ECE1: variants seen among roughly 807,000 people sequenced by gnomAD.
ECE1 encodes endothelin-converting enzyme 1.
In ECE1, 35 loss-of-function variants were observed where a neutral mutation model predicts 98.6. The ratio of observed to expected loss-of-function variants is 0.35; its 90% CI spans 0.27 to 0.47. ECE1 has a LOEUF of 0.47. ECE1 is among the 20% of genes least tolerant of loss of function. The pLI is 1.00. For synonymous variants in ECE1, 394 were observed against 407.1 expected, an observed-to-expected ratio of 0.97 and a Z score of 0.39; for missense variants, 814 against 1,025.3, an observed-to-expected ratio of 0.79 and a Z score of 2.81.
intron 1 of ECE1, among the ~76,000 whole-genome samples, chr1:21,333,341 G>T (rs1279358212): frequency 6.6e-6 from 1 of 151,894 alleles, no homozygotes; most frequent in African/African-American, 2.4e-5. Context: ...CCGTGGGGGG[G>T]GCGGGGGGGT....
intron 10 of ECE1, among the ~76,000 whole-genome samples, chr1:21,240,609 C>A (rs533240973): frequency 2.6e-5 from 4 of 152,340 alleles, no homozygotes; most frequent in African/African-American, 9.6e-5. Context: ...GGAAGGGCCA[C>A]TCTTCTTCTT....
At chr1:21,308,251 C>T (rs1293332507) in intron 1 of ECE1, among the ~76,000 whole-genome samples, 1 of 152,184 alleles carries the variant, frequency 6.6e-6, no homozygotes, top group Non-Finnish European at 1.5e-5. Flanking sequence ...AGCATTTGTG[C>T]ATGCTCTGGA....
chr1:21,294,270 A>T (rs1043285830), upstream of ECE1: 3 of 152,312 alleles, frequency 2.0e-5, no homozygotes, highest in Admixed American at 6.5e-5. The surrounding 1 kb of genome is among the most constrained non-coding windows in gnomAD (Gnocchi z 4.2). Context: ...CTGACAGGGC[A>T]GCCAGCACTT....
chr1:21,324,243 C>T (rs999575976), intron 1 of ECE1, among the ~76,000 whole-genome samples: 29 of 152,188 alleles, frequency 1.9e-4, no homozygotes, highest in African/African-American at 5.8e-4. Context: ...CTCAAGCGAT[C>T]CTCTTGCCTC....
intron 8 of ECE1, among the ~76,000 whole-genome samples, chr1:21,253,588 C>T (rs1035088142): frequency 1.3e-5 from 2 of 149,886 alleles, no homozygotes; most frequent in Non-Finnish European, 3.0e-5. Flanking sequence ...CGGTGAAACC[C>T]GGTCTCTACT....
intron 1 of ECE1, among the ~76,000 whole-genome samples, chr1:21,317,917 C>A (rs1171386897): frequency 1.3e-5 from 2 of 152,238 alleles, no homozygotes; most frequent in Non-Finnish European, 2.9e-5. Context: ...CAAATCCAGG[C>A]TCGGGGTGTG....
intron 14 of ECE1, among the ~76,000 whole-genome samples, chr1:21,230,011 C>T (rs1025469806): frequency 1.3e-5 from 2 of 151,874 alleles, no homozygotes. Context: ...ATTCCGGCCC[C>T]GGTGACATGG....
chr1:21,265,366 T>C (rs2098232537), intron 4 of ECE1, among the ~76,000 whole-genome samples: 1 of 152,114 alleles, frequency 6.6e-6, no homozygotes, highest in South Asian at 2.1e-4. Flanking sequence ...ACCCTGTCTC[T>C]ACTAAAAATA....
intron 17 of ECE1, 30 bp from the exon 18 acceptor site, chr1:21,221,872 G>A: frequency 6.2e-7 from 1 of 1,604,558 alleles, no homozygotes; most frequent in South Asian, 1.1e-5. Context: ...AAGCTCAGGG[G>A]TTCCCATGGC....
At chr1:21,246,290 A>G (rs1209072356) in intron 9 of ECE1, among the ~76,000 whole-genome samples, 1 of 151,944 alleles carries the variant, frequency 6.6e-6, no homozygotes, top group Non-Finnish European at 1.5e-5. Context: ...AACTGAGGTC[A>G]GGAGTTGGGG....
At chr1:21,244,370 T>C (rs1419136813) in intron 10 of ECE1, among the ~76,000 whole-genome samples, 1 of 152,226 alleles carries the variant, frequency 6.6e-6, no homozygotes, top group Non-Finnish European at 1.5e-5. Flanking sequence ...TGGCACGCGA[T>C]GGCAGGAGTT....
In ECE1 at chr1:21,256,129, C is replaced by T. The variant is rs780895099; in HGVS notation, c.838G>A (p.Gly280Arg). 7 of 1,601,334 alleles carry T rather than the reference C, an allele frequency of 4.4e-6. No individual in the cohort carries two copies. Among genetic ancestry groups the T allele is most frequent in the East Asian group, 2.2e-5 (1 of 44,490 alleles). Residue 280 changes from glycine to arginine, a missense_variant, in exon 8 of 19, where the codon GGA (glycine) becomes AGA (arginine). By Grantham distance (125) the Gly-to-Arg change is moderately radical. Around this residue, in one of 3 missense-constraint regions of ECE1, gnomAD observed 105 missense variants for 179.1 expected, o/e 0.59. Coordinates refer to ENST00000374893, the MANE Select transcript of ECE1 (RefSeq NM_001397.3). ...AGCTGGACCATGTAGTTCAGATATC[C>T]GGTCAGCACCTGCAGGGCCCATACC... ...NKTENEKVLT[G>R]YLNYMVQLGK...
intron 1 of ECE1, among the ~76,000 whole-genome samples, chr1:21,306,901 A>T (rs952016915): frequency 1.3e-5 from 2 of 152,030 alleles, no homozygotes; most frequent in Admixed American, 6.6e-5. Context: ...AGATGAACTA[A>T]CTGAGGCCCC....
intron 2 of ECE1, among the ~76,000 whole-genome samples, chr1:21,286,716 G>A (rs537942300): frequency 1.3e-5 from 2 of 152,178 alleles, no homozygotes; most frequent in South Asian, 2.1e-4. Context: ...CTTGAGGCCA[G>A]GAGTTCGAGA....
At position 21,278,723 on chromosome 1, in the gene ECE1, T is replaced by C. The variant is rs139363537; in HGVS notation, c.280+468A>G. Among the ~76,000 whole-genome samples, 623 of 152,286 alleles carry C rather than the reference T, an allele frequency of 4.1e-3. 3 individuals are homozygous for C. Among genetic ancestry groups the C allele is most frequent in the African/African-American group, 0.014 (575 of 41,554 alleles). On this transcript the variant is annotated intron_variant, in intron 3 of 18. Coordinates refer to ENST00000374893, the MANE Select transcript of ECE1 (RefSeq NM_001397.3). ...ATAATTCAGTAAACAGAGGGCATTA[T>C]TGTTATTTTATTGGAACTAGAGATA... is the stretch of plus-strand genomic sequence containing the variant.
At position 21,260,003 on chromosome 1, in the gene ECE1, A is replaced by G. The variant is rs1277989896; in HGVS notation, c.615+268T>C. ...CCCACACACAGATGCACAGAGAGAC[A>G]CACAGACAGATGACAGACATCTACA... On this transcript the variant is annotated intron_variant, in intron 5 of 18. Transcript: ENST00000374893. The surrounding 1 kb of genome is among the most constrained non-coding windows in gnomAD (Gnocchi z 4.3). Among the ~76,000 whole-genome samples the G allele has an allele frequency of 6.6e-6, 1 of 152,232 alleles. No homozygotes were observed. The highest frequency in any genetic ancestry group is 1.5e-5 in the Non-Finnish European group (1 of 68,046).
In ECE1 at chr1:21,345,149, G is replaced by A. The variant is rs1639473824; in HGVS notation, c.3+227C>T. 1 of 411,070 alleles carries A rather than the reference G, an allele frequency of 2.4e-6. No homozygotes were observed. Among genetic ancestry groups the A allele is most frequent in the Non-Finnish European group, 3.6e-6 (1 of 279,008 alleles). The allele number at this position is 411,070 out of a possible 1,614,324, so 25.5% of individuals were successfully genotyped here. Reference sequence around the variant, plus strand: ...TCCGGCTGGGACCAGAACCAAGCTCGGCGCGGCCGCCCCCGACGGGACCAA... The same window carrying A: ...TCCGGCTGGGACCAGAACCAAGCTCAGCGCGGCCGCCCCCGACGGGACCAA... On this transcript the variant is annotated intron_variant, in intron 1 of 18. Transcript: ENST00000415912. This position sits in a 1 kb window ranked among gnomAD's most constrained non-coding sequence, Gnocchi z 5.1.
chr1:21,275,192 GTGTCTGTGTGTGAGAGA>G (rs1558406221), intron 3 of ECE1, among the ~76,000 whole-genome samples: 2 of 152,228 alleles, frequency 1.3e-5, no homozygotes. Flanking sequence ...CTGTGTGTAT[GTGTCTGTGTGTGAGAGA>G]GAGACAGACT....
At chr1:21,335,552 C>A (rs567828669) in intron 1 of ECE1, among the ~76,000 whole-genome samples, 1 of 152,212 alleles carries the variant, frequency 6.6e-6, no homozygotes, top group Admixed American at 6.5e-5. Flanking sequence ...AGACCGAGGG[C>A]GACCTGATGC....
Sources: allele counts gnomAD v4.1 joint callset (sites outside exome capture counted in the v4.1 genomes callset), GRCh38; gene constraint gnomAD v4.1.1; regional missense constraint gnomAD v4.1.1; non-coding constraint Gnocchi (gnomAD v3.1); transcripts MANE v1.5; gene names NCBI Gene and HGNC (gene_info 2026-07-23, HGNC 2026-07-21).